Variants in DNM2 observed in about 807,000 individuals in gnomAD.
The protein encoded by DNM2 is dynamin 2.
In DNM2, 15 loss-of-function variants were observed where a neutral mutation model predicts 99.0. That is an observed-to-expected ratio of 0.15 (90% confidence interval 0.10 to 0.23). The LOEUF (loss-of-function observed/expected upper bound fraction) is 0.23. Among genes scored for constraint, DNM2 ranks in the 10% least tolerant of loss-of-function variants. The pLI, the probability that DNM2 is intolerant of heterozygous loss-of-function variation, is 1.00. For missense variants in DNM2, 742 were observed against 1,189.4 expected (o/e 0.62, Z 5.53); for synonymous variants, 525 against 481.2 (o/e 1.09, Z -1.19).
intron 10 of DNM2, among the ~76,000 whole-genome samples, chr19:10,798,086 C>T (rs945939593): frequency 2.0e-5 from 3 of 152,148 alleles, no homozygotes; most frequent in South Asian, 2.1e-4. Context: ...CCCAGATACC[C>T]GCCTTACCAT....
In DNM2 at chr19:10,797,403, T is replaced by G; in HGVS notation, c.1220T>G (p.Met407Arg). Residue 407 changes from methionine to arginine, a missense_variant, in exon 10 of 21, where the codon ATG becomes AGG. Met to Arg is a moderately conservative substitution (Grantham distance 91, BLOSUM62 -1). Coordinates refer to ENST00000389253, the MANE Select transcript of DNM2 (RefSeq NM_001005361.3). ...GVRTGLFTPDMAFEAIVKKQI... is the reference protein window; with the variant it reads ...GVRTGLFTPDRAFEAIVKKQI... ...AGGACGGGGCTCTTCACCCCCGACA[T>G]GGCCTTTGAAGCCATTGTGAAAAAA... The G allele has an allele frequency of 1.2e-6, 2 of 1,613,426 alleles. No homozygotes were observed. Among genetic ancestry groups the G allele is most frequent in the Non-Finnish European group, 1.7e-6 (2 of 1,180,020 alleles).
In DNM2 at chr19:10,831,287, G is replaced by A; in HGVS notation, c.*240G>A. ...GCTGGGGTGTTGCACTTTGGGGGATGGAGTCTCAGGGTGGCAGAGGGGGGA... is the reference window on the plus strand; with the variant it reads ...GCTGGGGTGTTGCACTTTGGGGGATAGAGTCTCAGGGTGGCAGAGGGGGGA... On this transcript the variant is annotated 3_prime_UTR_variant, in exon 21 of 21. Coordinates refer to ENST00000389253, the MANE Select transcript of DNM2 (RefSeq NM_001005361.3). The surrounding 1 kb of genome is among the most constrained non-coding windows in gnomAD (Gnocchi z 4.3). The A allele has an allele frequency of 2.3e-6, 3 of 1,290,892 alleles. No homozygotes were observed. The highest frequency in any genetic ancestry group is 3.0e-4 in the Middle Eastern group (1 of 3,386). The allele number at this position is 1,290,892 out of a possible 1,614,324, so 80.0% of individuals were successfully genotyped here.
At chr19:10,739,060 C>A (rs2145751133) in intron 1 of DNM2, among the ~76,000 whole-genome samples, 1 of 152,140 alleles carries the variant, frequency 6.6e-6, no homozygotes, top group Middle Eastern at 3.4e-3. Context: ...GTAGTCCCAG[C>A]TACTCAGGAG....
At chr19:10,752,712 T>A (rs2070239053) in intron 1 of DNM2, among the ~76,000 whole-genome samples, 1 of 152,214 alleles carries the variant, frequency 6.6e-6, no homozygotes, top group South Asian at 2.1e-4. Flanking sequence ...CTCATTTGCA[T>A]CTGTAAAATG....
At chr19:10,747,406 C>T (rs1170685406) in intron 1 of DNM2, among the ~76,000 whole-genome samples, 1 of 152,182 alleles carries the variant, frequency 6.6e-6, no homozygotes, top group African/African-American at 2.4e-5. Context: ...AGGTCACCTC[C>T]TGCTTTTGCT....
chr19:10,747,184 C>T (rs2070019594), intron 1 of DNM2, among the ~76,000 whole-genome samples: 1 of 151,882 alleles, frequency 6.6e-6, no homozygotes, highest in African/African-American at 2.4e-5. Flanking sequence ...TACTTTGATT[C>T]GATGGGGCGA....
rs372470974 is a variant in DNM2 at position 10,830,017 on chromosome 19, T to A, written c.2292-110T>A. On this transcript the variant is annotated intron_variant, in intron 19 of 20. Coordinates refer to ENST00000389253, the MANE Select transcript of DNM2 (RefSeq NM_001005361.3). The surrounding 1 kb of genome is among the most constrained non-coding windows in gnomAD (Gnocchi z 4.8). ...TGGGGTGGGAGGATCCCACTGCGCC[T>A]GCGCTGTCCCCATAGCCAGCCCCCA... 1.5e-5 allele frequency: 23 copies of A among 1,508,438 alleles called. 1 individual carries two copies. Among genetic ancestry groups the A allele is most frequent in the Non-Finnish European group, 1.5e-5 (16 of 1,084,748 alleles). 93.4% of individuals were successfully genotyped at this position (1,508,438 alleles called of 1,614,324 possible). A position where few individuals can be genotyped will look rare whatever the true frequency, so the allele number is the denominator to read the frequency against.
Position 10,811,794 on chromosome 19 carries a change from C to T in DNM2, c.1558-470C>T, listed in dbSNP as rs1485325591. On this transcript the variant is annotated intron_variant, in intron 14 of 20. Transcript: ENST00000389253. This position sits in a 1 kb window ranked among gnomAD's most constrained non-coding sequence, Gnocchi z 5.4. The stretch of plus-strand genomic sequence containing the variant: ...GTCAGTCAAAAGGATGACCACCAGG[C>T]TTGCAGCCAGCTTGGGACATGAGCC... The T allele has an allele frequency of 1.9e-6, 1 of 518,402 alleles. No homozygotes were observed. The highest frequency in any genetic ancestry group is 3.8e-6 in the Non-Finnish European group (1 of 259,742). The allele number at this position is 518,402 out of a possible 1,614,324, so 32.1% of individuals were successfully genotyped here. A position where few individuals can be genotyped will look rare whatever the true frequency, so the allele number is the denominator to read the frequency against.
chr19:10,760,827 A>ATTCTTTTTTTTTTTTTTTT (rs2070600184), intron 2 of DNM2, among the ~76,000 whole-genome samples: 1 of 41,260 alleles, frequency 2.4e-5, no homozygotes, highest in Non-Finnish European at 4.1e-5. Context: ...CACCCAGCTG[A>ATTCTTTTTTTTTTTTTTTT]TTTTTTTTTT....
chr19:10,810,468 C>G (rs1315083759), intron 14 of DNM2: 1 of 152,458 alleles, frequency 6.6e-6, no homozygotes, highest in East Asian at 1.9e-4. Context: ...GAGAAGGGCA[C>G]CTCAGGGCTT....
chr19:10,754,102 G>A (rs12463117), intron 1 of DNM2, among the ~76,000 whole-genome samples: 15,391 of 151,992 alleles, frequency 0.1, 1,203 homozygotes, highest in East Asian at 0.37. Context: ...TGAATTTTTC[G>A]TCTTATTGAG....
chr19:10,734,810 T>A (rs1377269211), intron 1 of DNM2, among the ~76,000 whole-genome samples: 2 of 150,278 alleles, frequency 1.3e-5, no homozygotes, highest in Non-Finnish European at 2.9e-5. Flanking sequence ...TCACCCCTTT[T>A]CCTGTCTTAG....
intron 1 of DNM2, among the ~76,000 whole-genome samples, chr19:10,733,130 C>T (rs919811159): frequency 6.6e-6 from 1 of 151,336 alleles, no homozygotes; most frequent in Non-Finnish European, 1.5e-5. Flanking sequence ...GTGATCCACC[C>T]TCCTCGGCCT....
In DNM2 at chr19:10,795,936, C is replaced by T; in HGVS notation, c.1196+497C>T. On this transcript the variant is annotated intron_variant, in intron 9 of 20. Transcript: ENST00000389253. This position sits in a 1 kb window ranked among gnomAD's most constrained non-coding sequence, Gnocchi z 4.2. ...GTTTCCGGGCAGTGGACTCAGGCAT[C>T]CGACCCCACACATGACACAACCTTC... 6.5e-7 allele frequency: 1 copy of T among 1,533,814 alleles called. No homozygotes were observed.
chr19:10,824,117 AG>A, intron 17 of DNM2: 1 of 578,202 alleles, frequency 1.7e-6, no homozygotes, highest in East Asian at 3.0e-5. Flanking sequence ...CGGGGCACAC[AG>A]GGGATGGGGT....
chr19:10,790,065 T>A (rs944134399), intron 7 of DNM2, among the ~76,000 whole-genome samples: 2 of 152,168 alleles, frequency 1.3e-5, no homozygotes, highest in African/African-American at 4.8e-5. Flanking sequence ...GCCTTCTTGC[T>A]TTAGCATTTT....
Position 10,738,833 on chromosome 19 carries a change from G to A in DNM2, c.161+20430G>A, listed in dbSNP as rs2069628273. 4.0e-5 allele frequency among the ~76,000 whole-genome samples: 6 copies of A among 148,260 alleles called. No individual in the cohort carries two copies. In the South Asian group the frequency reaches 1.3e-3, roughly 31 times the overall value. On this transcript the variant is annotated intron_variant, in intron 1 of 20. Transcript: ENST00000389253. ...TGCTGTGAGCTGAGATCGCACCGTT[G>A]CACTCCAGCCTGGGCAACAAGAGCA...
At position 10,817,725 on chromosome 19, in the gene DNM2, G is replaced by T. The variant is rs2072803629; in HGVS notation, c.1672-2255G>T. On this transcript the variant is annotated intron_variant, in intron 15 of 20. Transcript: ENST00000389253. This position sits in a 1 kb window ranked among gnomAD's most constrained non-coding sequence, Gnocchi z 4.6. Reference sequence around the variant, plus strand: ...AGGCGGAGCAGGAGGCAGGGTTTGGGATCGTGGCTTCTGGGCTCAGGAGGA... The same window carrying T: ...AGGCGGAGCAGGAGGCAGGGTTTGGTATCGTGGCTTCTGGGCTCAGGAGGA... Among the ~76,000 whole-genome samples, 1 of 142,806 alleles carries T rather than the reference G, an allele frequency of 7.0e-6. No individual in the cohort carries two copies. The highest frequency in any genetic ancestry group is 2.6e-5 in the African/African-American group (1 of 38,804). The allele number at this position is 142,806 out of a possible 152,430, so 93.7% of individuals were successfully genotyped here.
At chr19:10,759,911 C>A in intron 2 of DNM2, 100 bp downstream of exon 2, 1 of 1,475,312 alleles carries the variant, frequency 6.8e-7, no homozygotes, top group Non-Finnish European at 9.5e-7. Flanking sequence ...CCTGGGCTGT[C>A]ATTGGACATT....
Sources: allele counts gnomAD v4.1 joint callset (sites outside exome capture counted in the v4.1 genomes callset), GRCh38; gene constraint gnomAD v4.1.1; non-coding constraint Gnocchi (gnomAD v3.1); transcripts MANE v1.5; gene names NCBI Gene and HGNC (gene_info 2026-07-23, HGNC 2026-07-21).